BLTP1: variants seen among roughly 807,000 people sequenced by gnomAD.
BLTP1 encodes fragile site-associated protein.
chr4:122,169,513 A>G, the BLTP1 span: 34,247 of 455,158 alleles, frequency 0.075, 1,512 homozygotes, highest in Middle Eastern at 0.087. Flanking sequence ...ATTATGAGAT[A>G]GTTTTGTTAT....
At chr4:122,267,681 C>T in the BLTP1 span, 1 of 902,594 alleles carries the variant, frequency 1.1e-6, no homozygotes, top group Non-Finnish European at 1.3e-6. Flanking sequence ...AGAAATGTAG[C>T]ATGGTAAAAG....
chr4:122,289,852 C>T, the BLTP1 span: 280 of 940,210 alleles, frequency 3.0e-4, no homozygotes, highest in Non-Finnish European at 3.4e-4. Context: ...TAGGTATTCA[C>T]TTACAATTTT....
the BLTP1 span, chr4:122,333,574 CAAAAAGATAA>C: frequency 6.6e-7 from 1 of 1,504,398 alleles, no homozygotes; most frequent in African/African-American, 1.4e-5. Flanking sequence ...TGCTTTTAAA[CAAAAAGATAA>C]ATGTGTCATT....
chr4:122,208,430 A>G, the BLTP1 span: 1 of 984,806 alleles, frequency 1.0e-6, no homozygotes, highest in Non-Finnish European at 1.2e-6. Context: ...GGAAAAAAGT[A>G]AAGCCAAATG....
the BLTP1 span, chr4:122,229,665 TA>T: frequency 1.1e-6 from 1 of 925,770 alleles, no homozygotes; most frequent in Non-Finnish European, 1.3e-6. Context: ...TTTCATTATT[TA>T]CTTCTCTTGT....
the BLTP1 span, among the ~76,000 whole-genome samples, chr4:122,361,445 A>G: frequency 1.3e-5 from 2 of 152,074 alleles, no homozygotes; most frequent in Admixed American, 6.6e-5. Context: ...CTCCTGAAAA[A>G]CCTGTGGTAT....
the BLTP1 span, chr4:122,339,088 A>C: frequency 1.7e-5 from 20 of 1,199,126 alleles, no homozygotes; most frequent in African/African-American, 1.1e-4. Context: ...GATATACTTT[A>C]TTTCTTTCTG....
the BLTP1 span, among the ~76,000 whole-genome samples, chr4:122,297,281 G>T: frequency 1.3e-5 from 2 of 152,268 alleles, no homozygotes; most frequent in African/African-American, 2.4e-5. Context: ...AGACATTCAC[G>T]TGGCCAACAA....
the BLTP1 span, among the ~76,000 whole-genome samples, chr4:122,345,553 T>C: frequency 7.0e-6 from 1 of 143,876 alleles, no homozygotes; most frequent in Non-Finnish European, 1.6e-5. Context: ...GAGCCAGAAA[T>C]AGAGAGGCTA....
chr4:122,173,266 C>A, the BLTP1 span: 1 of 1,109,690 alleles, frequency 9.0e-7, no homozygotes, highest in Non-Finnish European at 1.3e-6. Context: ...TAAAGAGAAG[C>A]AATTTATGTC....
At chr4:122,154,406 C>A in the BLTP1 span, 1 of 984,512 alleles carries the variant, frequency 1.0e-6, no homozygotes, top group Non-Finnish European at 1.2e-6. Context: ...ACCTGTTAGT[C>A]ATTTTACTTG....
chr4:122,249,686 A>G, the BLTP1 span: 2 of 1,613,440 alleles, frequency 1.2e-6, no homozygotes, highest in Non-Finnish European at 1.7e-6. Context: ...ATAAAAGGCA[A>G]GCATTTTTTA....
chr4:122,198,397 A>T, the BLTP1 span: 1 of 985,384 alleles, frequency 1.0e-6, no homozygotes, highest in Non-Finnish European at 1.2e-6. Flanking sequence ...CATCTTTTAC[A>T]GGTGTATGAT....
the BLTP1 span, chr4:122,339,405 C>G: frequency 6.2e-7 from 1 of 1,609,820 alleles, no homozygotes; most frequent in Non-Finnish European, 8.5e-7. Context: ...AACTGGAATA[C>G]CAGGTATAGA....
At chr4:122,256,520 C>T in the BLTP1 span, among the ~76,000 whole-genome samples, 1 of 152,098 alleles carries the variant, frequency 6.6e-6, no homozygotes, top group Non-Finnish European at 1.5e-5. Context: ...CGGGGTGATT[C>T]CTGCCTTCTA....
the BLTP1 span, chr4:122,288,934 A>C: frequency 2.1e-6 from 1 of 486,884 alleles, no homozygotes; most frequent in East Asian, 1.5e-4. Context: ...ACGTATTAGG[A>C]ACGCTGAATA....
chr4:122,331,730 G>A, the BLTP1 span: 3 of 980,152 alleles, frequency 3.1e-6, no homozygotes, highest in African/African-American at 5.2e-5. Context: ...ATATTTTCTG[G>A]CAACTAGAAA....
the BLTP1 span, among the ~76,000 whole-genome samples, chr4:122,308,524 C>A: frequency 6.6e-6 from 1 of 152,012 alleles, no homozygotes; most frequent in Admixed American, 6.6e-5. Flanking sequence ...AATAAAAGGA[C>A]ATTTAAGAAT....
At chr4:122,334,320 A>T in the BLTP1 span, 1 of 1,476,862 alleles carries the variant, frequency 6.8e-7, no homozygotes, top group African/African-American at 1.4e-5. Context: ...TTTTAATTTT[A>T]AAAGTTTATT....
Sources: gnomAD v4.1 joint callset for allele counts (sites outside exome capture counted in the v4.1 genomes callset) on GRCh38, gnomAD v4.1.1 for gene constraint, MANE v1.5 for transcripts, NCBI Gene and HGNC (gene_info 2026-07-23, HGNC 2026-07-21) for gene names.